The following GABRG3 variants were observed in gnomAD, a reference collection of about 807,000 sequenced individuals.
GABRG3 encodes the protein gamma-aminobutyric acid receptor subunit gamma-3.
A neutral mutation model predicts 48.8 loss-of-function variants in GABRG3; 25 were observed. The observed-to-expected ratio is 0.51, with a 90% CI of 0.37 to 0.72. GABRG3 has a LOEUF of 0.72. Among genes scored for constraint, GABRG3 ranks in the 30% least tolerant of loss-of-function variants. GABRG3 has a pLI of 0.00. For synonymous variants in GABRG3, 227 were observed against 217.6 expected (o/e 1.04, Z -0.38); for missense variants, 394 against 577.9 (o/e 0.68, Z 3.26).
At position 27,142,395 on chromosome 15, in the gene GABRG3, G is replaced by A. The variant is rs147049459; in HGVS notation, c.270+115574G>A. On this transcript the variant is annotated intron_variant, in intron 3 of 9. Coordinates refer to ENST00000615808, the MANE Select transcript of GABRG3 (RefSeq NM_033223.5). ...GGATCGAGTCCCATCTTACATGGAT[G>A]GCAGTTGGCAAAGAGAGAAATGATG... Among the ~76,000 whole-genome samples the A allele has an allele frequency of 2.0e-3, 308 of 152,264 alleles. 6 individuals are homozygous for A. Among genetic ancestry groups the A allele is most frequent in the African/African-American group, 7.2e-3 (298 of 41,558 alleles).
At chr15:27,336,294 A>G (rs1893973764) in intron 5 of GABRG3, among the ~76,000 whole-genome samples, 1 of 151,846 alleles carries the variant, frequency 6.6e-6, no homozygotes. Flanking sequence ...GAGAGAGAAA[A>G]GAAGAAGGAG....
At chr15:27,000,794 G>A (rs991366570) in intron 2 of GABRG3, among the ~76,000 whole-genome samples, 16 of 152,120 alleles carry the variant, frequency 1.1e-4, no homozygotes, top group African/African-American at 3.1e-4. Context: ...ACCATTAAAC[G>A]TTTAACCATG....
At position 27,328,874 on chromosome 15, in the gene GABRG3, T is replaced by C. The variant is rs574811563; in HGVS notation, c.560T>C (p.Leu187Pro). ...CCCATGGACGAACACTCCTGCCCGC[T>C]GATTTTCTCCAGCTGTGAGTACCAG... ...NFPMDEHSCP[L>P]IFSSYGYPKE... Residue 187 changes from leucine to proline, a missense_variant, in exon 5 of 10, where the codon CTG becomes CCG. Coordinates refer to ENST00000615808, the MANE Select transcript of GABRG3 (RefSeq NM_033223.5). 1 of 1,614,008 alleles carries C rather than the reference T, an allele frequency of 6.2e-7. No individual in the cohort carries two copies. The highest frequency in any genetic ancestry group is 2.2e-5 in the East Asian group (1 of 44,888).
intron 3 of GABRG3, among the ~76,000 whole-genome samples, chr15:27,108,456 G>A (rs1897488225): frequency 1.3e-5 from 2 of 152,146 alleles, no homozygotes; most frequent in Admixed American, 6.5e-5. Flanking sequence ...GTACATTATG[G>A]TTCAGTGCAT....
At chr15:27,350,899 T>TTG (rs905748049) in intron 5 of GABRG3, among the ~76,000 whole-genome samples, 5 of 146,292 alleles carry the variant, frequency 3.4e-5, no homozygotes, top group Admixed American at 6.7e-5. Flanking sequence ...TCGTGTGTGT[T>TTG]TGTGTGTGTG....
chr15:27,094,789 A>G (rs577468688), intron 3 of GABRG3, among the ~76,000 whole-genome samples: 58 of 152,322 alleles, frequency 3.8e-4, no homozygotes, highest in African/African-American at 9.4e-4. Flanking sequence ...TTACAAATAG[A>G]TATTTATTGT....
intron 3 of GABRG3, among the ~76,000 whole-genome samples, chr15:27,194,563 C>A (rs1888434723): frequency 6.6e-6 from 1 of 152,150 alleles, no homozygotes; most frequent in Non-Finnish European, 1.5e-5. Flanking sequence ...TCTTTACTTT[C>A]AGCACTTGAA....
intron 5 of GABRG3, among the ~76,000 whole-genome samples, chr15:27,436,721 G>A (rs908007503): frequency 6.6e-6 from 1 of 152,170 alleles, no homozygotes; most frequent in African/African-American, 2.4e-5. Flanking sequence ...GTGGCTCCTA[G>A]TGCAGATCAG....
chr15:27,108,673 G>C (rs143128796), intron 3 of GABRG3, among the ~76,000 whole-genome samples: 2 of 152,084 alleles, frequency 1.3e-5, no homozygotes, highest in East Asian at 3.9e-4. Context: ...TGATGCAGTC[G>C]AATCTACCTA....
chr15:27,308,146 A>C (rs1423369864), intron 3 of GABRG3, among the ~76,000 whole-genome samples: 1 of 107,740 alleles, frequency 9.3e-6, no homozygotes. Flanking sequence ...ATGTTTATAC[A>C]TCCAAACATA....
At chr15:27,490,585 A>G (rs1325375637) in intron 6 of GABRG3, among the ~76,000 whole-genome samples, 2 of 152,152 alleles carry the variant, frequency 1.3e-5, no homozygotes, top group East Asian at 1.9e-4. Flanking sequence ...GTAGCCGTCA[A>G]TTAGATAACC....
intron 3 of GABRG3, among the ~76,000 whole-genome samples, chr15:27,290,634 A>G (rs567352688): frequency 4.3e-4 from 66 of 152,300 alleles, no homozygotes; most frequent in African/African-American, 1.5e-3. Context: ...ATTCTACAAA[A>G]GTCCTGACTA....
chr15:27,485,733 C>CT, intron 6 of GABRG3, among the ~76,000 whole-genome samples: 1 of 152,100 alleles, frequency 6.6e-6, no homozygotes. Context: ...ACACAGGTAT[C>CT]TGACTTTTTA....
intron 2 of GABRG3, among the ~76,000 whole-genome samples, chr15:26,987,888 C>T (rs1446669761): frequency 1.3e-5 from 2 of 152,112 alleles, no homozygotes; most frequent in Non-Finnish European, 1.5e-5. Flanking sequence ...AAAAACAGCT[C>T]CTAATTTCCT....
chr15:27,176,413 A>C (rs989593871), intron 3 of GABRG3, among the ~76,000 whole-genome samples: 2 of 152,186 alleles, frequency 1.3e-5, no homozygotes, highest in Admixed American at 1.3e-4. Context: ...TGAATAGCTT[A>C]GTGTTGTTCT....
chr15:27,107,436 G>A (rs1897470443), intron 3 of GABRG3, among the ~76,000 whole-genome samples: 1 of 151,998 alleles, frequency 6.6e-6, no homozygotes, highest in Non-Finnish European at 1.5e-5. Flanking sequence ...TGTATTCCTA[G>A]ATTTAATATT....
In GABRG3 at chr15:27,515,052, A is replaced by C. The variant is rs140031390; in HGVS notation, c.713-4920A>C. 1.6e-4 allele frequency among the ~76,000 whole-genome samples: 25 copies of C among 152,244 alleles called. No individual in the cohort carries two copies. The East Asian group carries it at 3.1e-3, about 19-fold the overall frequency. On this transcript the variant is annotated intron_variant, in intron 6 of 9. Transcript: ENST00000615808. ...AAAGGTTGATAAATTTAATTTCCCTAAAATTAGGAACTTCTTTTTTAATGT... is the reference window on the plus strand; with the variant it reads ...AAAGGTTGATAAATTTAATTTCCCTCAAATTAGGAACTTCTTTTTTAATGT...
At chr15:26,989,550 T>C (rs1479312243) in intron 2 of GABRG3, among the ~76,000 whole-genome samples, 1 of 152,214 alleles carries the variant, frequency 6.6e-6, no homozygotes, top group African/African-American at 2.4e-5. Context: ...GACATTTTGG[T>C]ACAAGCATGC....
At chr15:27,294,424 C>G (rs1050656256) in intron 3 of GABRG3, among the ~76,000 whole-genome samples, 20 of 151,960 alleles carry the variant, frequency 1.3e-4, no homozygotes, top group African/African-American at 4.8e-4. Flanking sequence ...GCCATGTTGC[C>G]CAGGCTGGTC....
Sources: allele counts gnomAD v4.1 joint callset (sites outside exome capture counted in the v4.1 genomes callset), GRCh38; gene constraint gnomAD v4.1.1; transcripts MANE v1.5; gene names NCBI Gene and HGNC (gene_info 2026-07-23, HGNC 2026-07-21).